Variants in SGCD observed in about 807,000 individuals in gnomAD.
SGCD encodes delta-sarcoglycan.
In SGCD, 18 loss-of-function variants were observed where a neutral mutation model predicts 36.6. The observed-to-expected ratio is 0.49, with a 90% CI of 0.34 to 0.73. The LOEUF (loss-of-function observed/expected upper bound fraction) is 0.73. SGCD is among the 30% of genes least tolerant of loss of function. The pLI is 0.01. For missense variants in SGCD, 387 were observed against 346.7 expected (o/e 1.12, Z -0.92); for synonymous variants, 133 against 130.6 (o/e 1.02, Z -0.12).
chr5:156,420,211 G>A (rs1773237366), intron 3 of SGCD, among the ~76,000 whole-genome samples: 1 of 152,106 alleles, frequency 6.6e-6, no homozygotes, highest in Admixed American at 6.6e-5. Context: ...ACTGCAGTAA[G>A]TTTAGAACAC....
At chr5:156,474,265 A>G (rs1755088405) in intron 3 of SGCD, among the ~76,000 whole-genome samples, 1 of 152,212 alleles carries the variant, frequency 6.6e-6, no homozygotes, top group Non-Finnish European at 1.5e-5. Context: ...AAACTGTAGG[A>G]TAGTCTTTTT....
chr5:156,395,948 G>A (rs755729890), intron 3 of SGCD, among the ~76,000 whole-genome samples: 10 of 152,208 alleles, frequency 6.6e-5, no homozygotes, highest in Non-Finnish European at 5.9e-5. Context: ...GTCTACCAGA[G>A]CAACTATTTA....
At chr5:156,084,477 C>T (rs892696770) in intron 1 of SGCD, among the ~76,000 whole-genome samples, 37 of 152,242 alleles carry the variant, frequency 2.4e-4, no homozygotes, top group Middle Eastern at 3.4e-3. Context: ...CAGGCTAGAT[C>T]CTGCTTAGCT....
intron 1 of SGCD, among the ~76,000 whole-genome samples, chr5:156,071,360 C>G (rs929221747): frequency 1.3e-5 from 2 of 152,172 alleles, no homozygotes; most frequent in African/African-American, 4.8e-5. Flanking sequence ...CAAAGAACAT[C>G]TTTATTTCTG....
chr5:155,824,994 G>A, the SGCD span, among the ~76,000 whole-genome samples: 42 of 152,096 alleles, frequency 2.8e-4, no homozygotes, highest in African/African-American at 9.9e-4. Context: ...GGTAGTTAAC[G>A]CAAAGGCAGT....
intron 3 of SGCD, among the ~76,000 whole-genome samples, chr5:156,440,811 C>T (rs1259395427): frequency 6.6e-6 from 1 of 151,974 alleles, no homozygotes; most frequent in Non-Finnish European, 1.5e-5. Flanking sequence ...AATCAGTTTG[C>T]CTTTTTATTA....
intron 3 of SGCD, among the ~76,000 whole-genome samples, chr5:156,162,963 C>T (rs1432325843): frequency 6.6e-6 from 1 of 151,540 alleles, no homozygotes; most frequent in African/African-American, 2.4e-5. Context: ...TATCTAACTT[C>T]CCTCCTTCTC....
intron 3 of SGCD, among the ~76,000 whole-genome samples, chr5:156,377,379 C>G (rs542724816): frequency 3.3e-5 from 5 of 152,300 alleles, no homozygotes; most frequent in South Asian, 2.1e-4. Flanking sequence ...CTGCTTCTAT[C>G]CTGCAGGCTA....
At chr5:155,847,298 T>A in the SGCD span, among the ~76,000 whole-genome samples, 1 of 152,162 alleles carries the variant, frequency 6.6e-6, no homozygotes, top group East Asian at 1.9e-4. Context: ...TTCCCCAACA[T>A]CACATACCTG....
intron 1 of SGCD, among the ~76,000 whole-genome samples, chr5:155,958,406 C>T (rs764237896): frequency 3.9e-5 from 6 of 152,038 alleles, no homozygotes; most frequent in Non-Finnish European, 8.8e-5. Flanking sequence ...CTCAGCTAGG[C>T]ATTGGCAGGC....
chr5:156,487,227 A>G (rs1755715432), intron 3 of SGCD, among the ~76,000 whole-genome samples: 1 of 152,242 alleles, frequency 6.6e-6, no homozygotes, highest in Non-Finnish European at 1.5e-5. Flanking sequence ...TGACAGCATA[A>G]CTTGCAGACA....
chr5:156,309,273 T>G (rs1293621093), intron 3 of SGCD, among the ~76,000 whole-genome samples: 1 of 152,150 alleles, frequency 6.6e-6, no homozygotes, highest in African/African-American at 2.4e-5. Flanking sequence ...ATGATGCATA[T>G]ATTTATCTGC....
chr5:156,607,463 G>A (rs139592870), intron 6 of SGCD, among the ~76,000 whole-genome samples: 2,028 of 152,252 alleles, frequency 0.013, 49 homozygotes, highest in African/African-American at 0.046. Context: ...TTTTATTGAG[G>A]ATTTTTGCAT....
At chr5:156,283,523 C>A (rs1581217097) in intron 3 of SGCD, among the ~76,000 whole-genome samples, 1 of 152,176 alleles carries the variant, frequency 6.6e-6, no homozygotes, top group Non-Finnish European at 1.5e-5. Context: ...ATTACACCAT[C>A]CCCTACTGTT....
intron 6 of SGCD, among the ~76,000 whole-genome samples, chr5:156,630,567 G>A (rs76106104): frequency 0.018 from 2,667 of 152,296 alleles, 32 homozygotes; most frequent in Non-Finnish European, 0.029. Context: ...TTGGGTTTTA[G>A]TAATAACTTG....
chr5:156,720,851 G>A (rs1413210613), intron 7 of SGCD, among the ~76,000 whole-genome samples: 1 of 152,152 alleles, frequency 6.6e-6, no homozygotes, highest in African/African-American at 2.4e-5. Flanking sequence ...TGACTGTGGG[G>A]GCAGGGAGGA....
intron 3 of SGCD, among the ~76,000 whole-genome samples, chr5:156,460,586 G>A (rs978504319): frequency 1.3e-5 from 2 of 152,144 alleles, no homozygotes; most frequent in Non-Finnish European, 2.9e-5. Flanking sequence ...GGTTATCAAT[G>A]TTGTTGTATG....
chr5:155,796,806 C>CAAAAAAAAAAAAAAAA, the SGCD span, among the ~76,000 whole-genome samples: 95 of 51,314 alleles, frequency 1.9e-3, 1 homozygote, highest in South Asian at 3.1e-3. Flanking sequence ...AACTCCATCT[C>CAAAAAAAAAAAAAAAA]AAAAAAAAAA....
chr5:156,429,812 C>T (rs1364411408), intron 3 of SGCD, among the ~76,000 whole-genome samples: 1 of 152,078 alleles, frequency 6.6e-6, no homozygotes, highest in African/African-American at 2.4e-5. Context: ...TCTTGGCTTA[C>T]AATTGTTTTG....
Sources: gnomAD v4.1 joint callset for allele counts (sites outside exome capture counted in the v4.1 genomes callset) on GRCh38, gnomAD v4.1.1 for gene constraint, MANE v1.5 for transcripts, NCBI Gene and HGNC (gene_info 2026-07-23, HGNC 2026-07-21) for gene names.